The following CREB5 variants were observed in gnomAD, a reference collection of about 807,000 sequenced individuals.
CREB5 encodes cyclic AMP-responsive element-binding protein 5.
CREB5 carries 19 observed loss-of-function variants against 57.1 expected under a neutral mutation model. The ratio of observed to expected loss-of-function variants is 0.33; its 90% confidence interval spans 0.23 to 0.49. The LOEUF (loss-of-function observed/expected upper bound fraction) is 0.49. Ranked by LOEUF, CREB5 falls within the 20% of genes least tolerant of loss-of-function variation. The pLI, the probability that CREB5 is intolerant of heterozygous loss-of-function variation, is 0.99. For missense variants in CREB5, 579 were observed against 671.6 expected (o/e 0.86, Z 1.52); for synonymous variants, 238 against 238.3 (o/e 1.00, Z 0.01).
At chr7:28,546,245 A>G (rs1287702218) in intron 4 of CREB5, among the ~76,000 whole-genome samples, 41 of 152,252 alleles carry the variant, frequency 2.7e-4, no homozygotes, top group Admixed American at 2.7e-3. Context: ...ATGGCCAAAT[A>G]ATATTCCATT....
chr7:28,719,875 C>G (rs186128908), intron 6 of CREB5, among the ~76,000 whole-genome samples: 5 of 152,258 alleles, frequency 3.3e-5, no homozygotes, highest in Non-Finnish European at 5.9e-5. Context: ...GCCTGGCCAA[C>G]ATGGTGAAAC....
intron 4 of CREB5, among the ~76,000 whole-genome samples, chr7:28,518,783 C>T (rs1793081516): frequency 6.6e-6 from 1 of 152,188 alleles, no homozygotes; most frequent in Admixed American, 6.5e-5. Flanking sequence ...CCTGTGCGAT[C>T]CACACTCCCC....
chr7:28,818,279 G>A, intron 10 of CREB5, 100 bp downstream of exon 10: 3 of 777,016 alleles, frequency 3.9e-6, no homozygotes, highest in Non-Finnish European at 4.3e-6. Context: ...AGTGTAGATT[G>A]TACTTCCAGG....
chr7:28,748,466 C>T (rs1422099528), intron 7 of CREB5, among the ~76,000 whole-genome samples: 2 of 152,148 alleles, frequency 1.3e-5, no homozygotes, highest in African/African-American at 4.8e-5. Flanking sequence ...AAGTGTGATC[C>T]TGCTAAAACT....
At position 28,480,781 on chromosome 7, in the gene CREB5, G is replaced by C. The variant is rs566973168; in HGVS notation, c.4-7394G>C. On this transcript the variant is annotated intron_variant, in intron 1 of 10. Transcript: ENST00000357727. ...ACAAGGGGACAAGGACCTAAATGCG[G>C]TTCATACGCATTCAGCGACTTACTC... Among the ~76,000 whole-genome samples the C allele has an allele frequency of 5.3e-5, 8 of 152,284 alleles. No individual in the cohort carries two copies. The South Asian group carries it at 1.7e-3, about 32-fold the overall frequency.
chr7:28,518,117 G>T (rs769058969), intron 4 of CREB5, among the ~76,000 whole-genome samples: 1 of 152,112 alleles, frequency 6.6e-6, no homozygotes, highest in Non-Finnish European at 1.5e-5. Context: ...TTCATATTTT[G>T]GATTTAGTGT....
At chr7:28,581,244 G>A (rs1478720973) in intron 5 of CREB5, among the ~76,000 whole-genome samples, 2 of 152,156 alleles carry the variant, frequency 1.3e-5, no homozygotes, top group Non-Finnish European at 2.9e-5. Flanking sequence ...TCCAGATTTT[G>A]TATTATTTCT....
chr7:28,325,299 C>CA (rs1378041236), intron 1 of CREB5, among the ~76,000 whole-genome samples: 5 of 152,026 alleles, frequency 3.3e-5, no homozygotes, highest in Admixed American at 6.5e-5. Flanking sequence ...ACTAAAACTA[C>CA]AAAAAATTAG....
chr7:28,657,984 C>T (rs374160114), intron 5 of CREB5, among the ~76,000 whole-genome samples: 2 of 152,186 alleles, frequency 1.3e-5, no homozygotes, highest in Admixed American at 6.5e-5. Flanking sequence ...TTCCATTTCT[C>T]GTCTGCTCAC....
chr7:28,675,247 T>G (rs1800261857), intron 5 of CREB5, among the ~76,000 whole-genome samples: 1 of 152,236 alleles, frequency 6.6e-6, no homozygotes, highest in South Asian at 2.1e-4. Context: ...GTGTTGATTA[T>G]CTCTTTCGAC....
chr7:28,534,213 C>A (rs1793859285), intron 4 of CREB5, among the ~76,000 whole-genome samples: 1 of 152,208 alleles, frequency 6.6e-6, no homozygotes, highest in Non-Finnish European at 1.5e-5. Flanking sequence ...TGGCTCTTGG[C>A]TCATTTTCAA....
rs76165789 is a variant in CREB5 at position 28,645,887 on chromosome 7, C to T, written c.465-72866C>T. On this transcript the variant is annotated intron_variant, in intron 5 of 10. Transcript: ENST00000357727. Reference sequence around the variant, plus strand: ...ACTCTCACCAATCCAGGTGGGCCATCATCCAATCTGTTGAGGGCCTGTATG... The same window carrying T: ...ACTCTCACCAATCCAGGTGGGCCATTATCCAATCTGTTGAGGGCCTGTATG... Among the ~76,000 whole-genome samples the T allele has an allele frequency of 8.7e-3, 1,330 of 152,326 alleles. 22 individuals are homozygous for T. The highest frequency in any genetic ancestry group is 0.029 in the African/African-American group (1,203 of 41,570).
intron 4 of CREB5, among the ~76,000 whole-genome samples, chr7:28,528,463 G>A (rs2128620226): frequency 6.6e-6 from 1 of 152,320 alleles, no homozygotes; most frequent in Non-Finnish European, 1.5e-5. Flanking sequence ...CCAACACTTT[G>A]GGAGGCTGAG....
At position 28,636,087 on chromosome 7, in the gene CREB5, C is replaced by A. The variant is rs142055707; in HGVS notation, c.464+65550C>A. Among the ~76,000 whole-genome samples the A allele has an allele frequency of 4.0e-3, 610 of 152,288 alleles. 3 individuals carry two copies. Among genetic ancestry groups the A allele is most frequent in the African/African-American group, 0.013 (556 of 41,556 alleles). ...TCTCTTCCAATTTCCTCTTCGAGTTCTTTTTTTAAGTTGAGTGTGCTGTTC... is the reference window on the plus strand; with the variant it reads ...TCTCTTCCAATTTCCTCTTCGAGTTATTTTTTTAAGTTGAGTGTGCTGTTC... On this transcript the variant is annotated intron_variant, in intron 5 of 10. Coordinates refer to ENST00000357727, the MANE Select transcript of CREB5 (RefSeq NM_182898.4).
chr7:28,604,780 C>T (rs545103584), intron 5 of CREB5, among the ~76,000 whole-genome samples: 1 of 151,716 alleles, frequency 6.6e-6, no homozygotes, highest in South Asian at 2.1e-4. Context: ...ATCATTGGGG[C>T]CAAAATTATT....
At chr7:28,726,340 A>G (rs1803337916) in intron 7 of CREB5, among the ~76,000 whole-genome samples, 1 of 152,152 alleles carries the variant, frequency 6.6e-6, no homozygotes, top group Admixed American at 6.6e-5. Context: ...TTGGCTGCTC[A>G]TGTTTGAAAG....
chr7:28,623,553 C>A (rs1374948394), intron 5 of CREB5, among the ~76,000 whole-genome samples: 1 of 152,186 alleles, frequency 6.6e-6, no homozygotes, highest in African/African-American at 2.4e-5. Flanking sequence ...TGTATTACAG[C>A]AAAGTCACTT....
At position 28,646,904 on chromosome 7, in the gene CREB5, CTT is replaced by C. The variant is rs751271253; in HGVS notation, c.465-71847_465-71846del. ...CAACAGGAGCAACAATAACAACACT[CTT>C]TGCATCTGGGCTTATTTCATTGGCC... is the stretch of plus-strand genomic sequence containing the variant. On this transcript the variant is annotated intron_variant, in intron 5 of 10. Transcript: ENST00000357727. 2.3e-4 allele frequency among the ~76,000 whole-genome samples: 35 copies of C among 152,082 alleles called. No individual in the cohort carries two copies. The South Asian group carries it at 4.0e-3, about 17-fold the overall frequency.
At chr7:28,559,716 C>A (rs185264613) in intron 4 of CREB5, among the ~76,000 whole-genome samples, 1 of 152,186 alleles carries the variant, frequency 6.6e-6, no homozygotes, top group East Asian at 1.9e-4. Context: ...CACATTTCAA[C>A]GCCTCAAAAA....
Sources: gnomAD v4.1 joint callset for allele counts (sites outside exome capture counted in the v4.1 genomes callset) on GRCh38, gnomAD v4.1.1 for gene constraint, MANE v1.5 for transcripts, NCBI Gene and HGNC (gene_info 2026-07-23, HGNC 2026-07-21) for gene names.